Variants in FAM163A observed in about 807,000 individuals in gnomAD.
FAM163A encodes protein FAM163A.
Under a neutral mutation model 12.0 loss-of-function variants are expected in FAM163A, and 7 were observed. That is an observed-to-expected ratio of 0.58 (90% confidence interval 0.33 to 1.10). The LOEUF (loss-of-function observed/expected upper bound fraction) is 1.10, where lower values mean the gene tolerates loss of function less well. FAM163A is among the 50% of genes least tolerant of loss of function. FAM163A has a pLI of 0.03. For missense variants in FAM163A, 202 were observed against 218.6 expected, an observed-to-expected ratio of 0.92 and a Z score of 0.48; for synonymous variants, 101 against 91.0, an observed-to-expected ratio of 1.11 and a Z score of -0.62.
At chr1:179,769,272 A>T (rs6696060) in intron 1 of FAM163A, among the ~76,000 whole-genome samples, 4 of 151,900 alleles carry the variant, frequency 2.6e-5, no homozygotes, top group African/African-American at 9.7e-5. Context: ...TAGCCTCCTG[A>T]GTAGCTGAGA....
chr1:179,778,279 C>T, intron 1 of FAM163A, among the ~76,000 whole-genome samples: 1 of 152,142 alleles, frequency 6.6e-6, no homozygotes. Context: ...CACCCCATAT[C>T]CCTGACTCCA....
At chr1:179,781,933 C>CA (rs58962319) in intron 1 of FAM163A, among the ~76,000 whole-genome samples, 1,664 of 119,126 alleles carry the variant, frequency 0.014, 18 homozygotes, top group East Asian at 0.04. Context: ...GAATCCGTAT[C>CA]AAAAAAAAAA....
rs1378149377 is a variant in FAM163A, at chr1:179,813,177, A to T, written c.80A>T (p.Tyr27Phe). Reference sequence around the variant, plus strand: ...CTCTGCATCATTGCCGTCCTGTGCTACTGCAGGCTCCAGGTCAGTCCCCGG... The same window carrying T: ...CTCTGCATCATTGCCGTCCTGTGCTTCTGCAGGCTCCAGGTCAGTCCCCGG... The part of the protein sequence containing the change: ...ILLCIIAVLC[Y>F]CRLQYYCCKK... The change falls in exon 4 of 5, where the codon TAC (tyrosine) becomes TTC (phenylalanine). Residue 27 changes from tyrosine (Y) to phenylalanine (F), a missense_variant. Transcript: ENST00000341785. 4 of 1,551,674 alleles carry T rather than the reference A, an allele frequency of 2.6e-6. No individual in the cohort carries two copies. The highest frequency in any genetic ancestry group is 2.4e-5 in the East Asian group (1 of 40,940).
chr1:179,735,285 A>G, the FAM163A span, among the ~76,000 whole-genome samples: 1 of 152,170 alleles, frequency 6.6e-6, no homozygotes, highest in African/African-American at 2.4e-5. Context: ...TCTTAAAAGC[A>G]TCAAAGAGCT....
rs1201339628 is a variant in FAM163A at position 179,783,743 on chromosome 1, A to AATATTATATATATATTATATAAT, written c.-135-24054_-135-24032dup. Among the ~76,000 whole-genome samples, 116 of 57,956 alleles carry AATATTATATATATATTATATAAT rather than the reference A, an allele frequency of 2.0e-3. 11 individuals carry two copies. Among genetic ancestry groups the AATATTATATATATATTATATAAT allele is most frequent in the Admixed American group, 3.2e-3 (26 of 8,028 alleles). The allele number at this position is 57,956 out of a possible 152,430, so 38.0% of individuals were successfully genotyped here. ...CCCAAATTTTATATAATTGAGCCCA[A>AATATTATATATATATTATATAAT]ATATTATATATATATTATATAATTT... On this transcript the variant is annotated intron_variant, in intron 1 of 4. Transcript: ENST00000341785.
chr1:179,790,745 A>G (rs1280959125), intron 1 of FAM163A, among the ~76,000 whole-genome samples: 1 of 151,338 alleles, frequency 6.6e-6, no homozygotes, highest in Admixed American at 6.6e-5. Context: ...CAAAAGGTCC[A>G]CTGTCAAGGT....
intron 1 of FAM163A, among the ~76,000 whole-genome samples, chr1:179,748,367 G>A (rs1684805381): frequency 6.6e-6 from 1 of 152,168 alleles, no homozygotes; most frequent in African/African-American, 2.4e-5. Flanking sequence ...CCAGAACCCA[G>A]CAAGGAGAGG....
intron 1 of FAM163A, among the ~76,000 whole-genome samples, chr1:179,776,320 G>A (rs80032906): frequency 1.3e-5 from 2 of 151,866 alleles, no homozygotes; most frequent in African/African-American, 2.4e-5. Flanking sequence ...TGGAAACCCC[G>A]TCTCTACTAA....
At chr1:179,800,676 G>C (rs1693036588) in intron 1 of FAM163A, among the ~76,000 whole-genome samples, 1 of 152,154 alleles carries the variant, frequency 6.6e-6, no homozygotes, top group East Asian at 1.9e-4. Flanking sequence ...TGTCCCTGGT[G>C]CTGGGCTCCA....
At chr1:179,763,916 C>A (rs1687138025) in intron 1 of FAM163A, among the ~76,000 whole-genome samples, 1 of 152,176 alleles carries the variant, frequency 6.6e-6, no homozygotes, top group Non-Finnish European at 1.5e-5. Flanking sequence ...CCCTTGAATT[C>A]CTTCCACTGC....
chr1:179,734,734 G>A, the FAM163A span, among the ~76,000 whole-genome samples: 1 of 152,196 alleles, frequency 6.6e-6, no homozygotes, highest in African/African-American at 2.4e-5. Flanking sequence ...AATTTAGGTA[G>A]GGGGTACATA....
intron 1 of FAM163A, among the ~76,000 whole-genome samples, chr1:179,760,213 C>T (rs1686629430): frequency 2.0e-5 from 3 of 152,148 alleles, no homozygotes; most frequent in African/African-American, 4.8e-5. Context: ...TCTGATGCCT[C>T]ACATATATTG....
chr1:179,807,587 T>TGGGATAGGTGTAACC (rs1694124144), intron 1 of FAM163A, among the ~76,000 whole-genome samples: 1 of 152,186 alleles, frequency 6.6e-6, no homozygotes, highest in Non-Finnish European at 1.5e-5. Context: ...GAGACAAAGC[T>TGGGATAGGTGTAACC]GGGATAGGTG....
chr1:179,755,156 A>C (rs1685838760), intron 1 of FAM163A, among the ~76,000 whole-genome samples: 1 of 146,200 alleles, frequency 6.8e-6, no homozygotes, highest in Admixed American at 6.8e-5. Context: ...AAAAAAAGAA[A>C]GGTCACTCTA....
chr1:179,782,286 G>T (rs1689883622), intron 1 of FAM163A, among the ~76,000 whole-genome samples: 1 of 152,020 alleles, frequency 6.6e-6, no homozygotes, highest in East Asian at 1.9e-4. Context: ...TAATTTAACA[G>T]ACCTGGGACT....
At chr1:179,795,495 C>A (rs1692162729) in intron 1 of FAM163A, among the ~76,000 whole-genome samples, 1 of 152,208 alleles carries the variant, frequency 6.6e-6, no homozygotes, top group Non-Finnish European at 1.5e-5. Flanking sequence ...CCTGCATTTT[C>A]ACTTGCTCTC....
intron 1 of FAM163A, 98 bp downstream of exon 1, chr1:179,743,521 G>C (rs982325857): frequency 3.9e-5 from 6 of 152,368 alleles, no homozygotes; most frequent in Non-Finnish European, 8.8e-5. Context: ...TCCGCGCGGG[G>C]ATGTGTCTGG....
intron 1 of FAM163A, among the ~76,000 whole-genome samples, chr1:179,778,046 T>C (rs1689223901): frequency 6.6e-6 from 1 of 152,220 alleles, no homozygotes; most frequent in Non-Finnish European, 1.5e-5. Context: ...TGAAAATGCA[T>C]GTCATACCTT....
chr1:179,797,682 A>G (rs1418384464), intron 1 of FAM163A, among the ~76,000 whole-genome samples: 2 of 152,158 alleles, frequency 1.3e-5, no homozygotes, highest in Non-Finnish European at 2.9e-5. Context: ...CATGTTTTAC[A>G]TCATCTTTAT....
Sources: gnomAD v4.1 joint callset for allele counts (sites outside exome capture counted in the v4.1 genomes callset) on GRCh38, gnomAD v4.1.1 for gene constraint, MANE v1.5 for transcripts, NCBI Gene and HGNC (gene_info 2026-07-23, HGNC 2026-07-21) for gene names.